DCLK1: variants seen among roughly 807,000 people sequenced by gnomAD.
DCLK1 encodes doublecortin like kinase 1.
In DCLK1, 16 loss-of-function variants were observed where a neutral mutation model predicts 86.2. That is an observed-to-expected ratio of 0.19 (90% confidence interval 0.13 to 0.28). DCLK1 has a LOEUF of 0.28. DCLK1 is among the 10% of genes least tolerant of loss of function. The pLI is 1.00. For missense variants in DCLK1, 590 were observed against 940.2 expected (o/e 0.63, Z 4.87); for synonymous variants, 369 against 370.5 (o/e 1.00, Z 0.05).
chr13:35,931,552 C>T (rs1876432892), intron 4 of DCLK1, among the ~76,000 whole-genome samples: 1 of 152,082 alleles, frequency 6.6e-6, no homozygotes, highest in African/African-American at 2.4e-5. Flanking sequence ...AGTTTATATT[C>T]TCAATGCTCT....
At chr13:35,810,019 A>G (rs772881566) in intron 12 of DCLK1, among the ~76,000 whole-genome samples, 11 of 152,032 alleles carry the variant, frequency 7.2e-5, no homozygotes, top group Non-Finnish European at 1.6e-4. Context: ...TCAGTGCCCC[A>G]CCCTGTTATT....
At chr13:36,051,331 A>G (rs1883115933) in intron 3 of DCLK1, among the ~76,000 whole-genome samples, 1 of 152,130 alleles carries the variant, frequency 6.6e-6, no homozygotes. Context: ...ATGACTTCTC[A>G]ACCACCAAAC....
chr13:36,072,408 TCTTCC>T (rs1884011371), intron 3 of DCLK1, among the ~76,000 whole-genome samples: 2 of 152,192 alleles, frequency 1.3e-5, no homozygotes, highest in African/African-American at 2.4e-5. Context: ...TCATTGAAAC[TCTTCC>T]CTTCTCTAAT....
chr13:35,823,260 C>T (rs950842001), intron 10 of DCLK1, among the ~76,000 whole-genome samples: 1 of 151,924 alleles, frequency 6.6e-6, no homozygotes, highest in Admixed American at 6.5e-5. Flanking sequence ...AGCCAGAGTT[C>T]AAATTTGTAA....
intron 6 of DCLK1, chr13:35,846,262 T>C (rs1870166730): frequency 4.1e-6 from 4 of 984,890 alleles, no homozygotes; most frequent in African/African-American, 1.7e-5. Context: ...ACATTCATAA[T>C]ATATTTCAAA....
chr13:35,836,375 A>G (rs1593644380), intron 7 of DCLK1, among the ~76,000 whole-genome samples: 3 of 152,214 alleles, frequency 2.0e-5, no homozygotes, highest in African/African-American at 7.2e-5. Context: ...TCCCACCTAT[A>G]TAAGAGAAAC....
chr13:35,852,037 GCAGT>G (rs1870690377), intron 6 of DCLK1, among the ~76,000 whole-genome samples: 1 of 151,822 alleles, frequency 6.6e-6, no homozygotes, highest in African/African-American at 2.4e-5. Flanking sequence ...TGGGGTGGGG[GCAGT>G]CAACTCATTT....
At chr13:35,871,416 C>G (rs1872268916) in intron 4 of DCLK1, 76 bp from the exon 5 acceptor site, 1 of 1,210,784 alleles carries the variant, frequency 8.3e-7, no homozygotes, top group African/African-American at 1.5e-5. Flanking sequence ...CACAATAAAC[C>G]TGGAAGTAGA....
chr13:35,909,066 C>T (rs187699634), intron 4 of DCLK1, among the ~76,000 whole-genome samples: 1 of 152,368 alleles, frequency 6.6e-6, no homozygotes, highest in Non-Finnish European at 1.5e-5. Flanking sequence ...CAGAGACAGG[C>T]TCCTAATTAG....
intron 3 of DCLK1, among the ~76,000 whole-genome samples, chr13:35,971,500 C>T (rs1407209841): frequency 6.6e-6 from 1 of 152,136 alleles, no homozygotes; most frequent in African/African-American, 2.4e-5. Flanking sequence ...CAGTGGCTCA[C>T]GCTTGTAATC....
At position 35,770,718 on chromosome 13, in the gene DCLK1, A is replaced by T. The variant is rs2086316266; in HGVS notation, c.*3817T>A. ...ATATGCCAGGTGACCCATTAAATTTAAAAAATGTGTGCGAATGAGTAACTA... is the reference window on the plus strand; with the variant it reads ...ATATGCCAGGTGACCCATTAAATTTTAAAAATGTGTGCGAATGAGTAACTA... On this transcript the variant is annotated 3_prime_UTR_variant, in exon 17 of 17. Transcript: ENST00000360631. 3 of 152,344 alleles carry T rather than the reference A, an allele frequency of 2.0e-5. No individual in the cohort carries two copies. The South Asian group carries it at 6.2e-4, about 32-fold the overall frequency. The allele number at this position is 152,344 out of a possible 1,614,324, so 9.4% of individuals were successfully genotyped here.
intron 5 of DCLK1, among the ~76,000 whole-genome samples, chr13:35,866,532 A>C (rs1871804761): frequency 1.3e-5 from 2 of 150,734 alleles, no homozygotes. Flanking sequence ...GACTCACTGC[A>C]ACCTCTGCCT....
chr13:35,856,932 A>G (rs1229239521), intron 5 of DCLK1, among the ~76,000 whole-genome samples: 3 of 152,228 alleles, frequency 2.0e-5, no homozygotes, highest in African/African-American at 4.8e-5. Flanking sequence ...ACAAGCAAAT[A>G]TGGAGCAGAG....
chr13:35,836,096 C>A lies in DCLK1; in HGVS notation c.1166G>T (p.Arg389Leu). 6.2e-7 allele frequency: 1 copy of A among 1,613,498 alleles called. No individual in the cohort carries two copies. The highest frequency in any genetic ancestry group is 8.5e-7 in the Non-Finnish European group (1 of 1,179,874). ...TCCTATTGTTCTTCCGACTTTATAT[C>A]GTTCTGTTATTGTAGCTGGAATCTG... ...GFQIPATITE[R>L]YKVGRTIGDG... is the part of the protein sequence containing the mutation. The change falls in exon 8 of 17, where the codon CGA becomes CTA. Residue 389 changes from arginine to leucine, a missense_variant. Physicochemically the swap from Arg to Leu is moderately radical, Grantham distance 102 (BLOSUM62 -2). Coordinates refer to ENST00000360631, the MANE Select transcript of DCLK1 (RefSeq NM_001330071.2).
chr13:36,069,517 T>C (rs986233147), intron 3 of DCLK1, among the ~76,000 whole-genome samples: 1 of 152,188 alleles, frequency 6.6e-6, no homozygotes, highest in African/African-American at 2.4e-5. Flanking sequence ...AAGGCAACTT[T>C]CAGTCACCAG....
intron 4 of DCLK1, among the ~76,000 whole-genome samples, chr13:35,899,270 G>A (rs1488556158): frequency 6.6e-6 from 1 of 151,502 alleles, no homozygotes; most frequent in Non-Finnish European, 1.5e-5. Context: ...CAAGCCCCAG[G>A]ATAATAATAT....
At chr13:36,021,714 A>G (rs775540826) in intron 3 of DCLK1, among the ~76,000 whole-genome samples, 5 of 152,126 alleles carry the variant, frequency 3.3e-5, no homozygotes, top group Non-Finnish European at 5.9e-5. Flanking sequence ...TAAGAAATAT[A>G]TAGGCACCTA....
intron 3 of DCLK1, among the ~76,000 whole-genome samples, chr13:35,959,297 T>A (rs1014826715): frequency 6.6e-6 from 1 of 152,166 alleles, no homozygotes; most frequent in African/African-American, 2.4e-5. Context: ...TAAAGCATCA[T>A]GACTTCAAAC....
At chr13:35,831,584 CT>C (rs1566556770) in intron 8 of DCLK1, among the ~76,000 whole-genome samples, 1 of 152,056 alleles carries the variant, frequency 6.6e-6, no homozygotes, top group Non-Finnish European at 1.5e-5. Context: ...TGATCCTTGT[CT>C]TTAAGGTGTC....
Sources: allele counts gnomAD v4.1 joint callset (sites outside exome capture counted in the v4.1 genomes callset), GRCh38; gene constraint gnomAD v4.1.1; transcripts MANE v1.5; gene names NCBI Gene and HGNC (gene_info 2026-07-23, HGNC 2026-07-21).